Variants in ITSN1 observed in about 807,000 individuals in gnomAD.
The protein encoded by ITSN1 is intersectin 1.
In ITSN1, 58 loss-of-function variants were observed where a neutral mutation model predicts 239.8. The ratio of observed to expected loss-of-function variants is 0.24; its 90% CI spans 0.20 to 0.30. The LOEUF (loss-of-function observed/expected upper bound fraction) is 0.30, where lower values mean the gene tolerates loss of function less well. ITSN1 is among the 10% of genes least tolerant of loss of function. The probability of loss-of-function intolerance (pLI) is 1.00; values close to 1 mark genes in which losing one functional copy is unlikely to be tolerated. For missense variants in ITSN1, 1,558 were observed against 2,103.3 expected, an observed-to-expected ratio of 0.74 and a Z score of 5.07; for synonymous variants, 780 against 770.8, an observed-to-expected ratio of 1.01 and a Z score of -0.20.
At chr21:33,853,602 G>C (rs768240161) in intron 29 of ITSN1, among the ~76,000 whole-genome samples, 2 of 152,146 alleles carry the variant, frequency 1.3e-5, no homozygotes, top group Non-Finnish European at 2.9e-5. Flanking sequence ...CATTCTACGC[G>C]TGTCTGCTGG....
chr21:33,805,773 G>A (rs2072371697), intron 20 of ITSN1, among the ~76,000 whole-genome samples: 1 of 151,462 alleles, frequency 6.6e-6, no homozygotes, highest in South Asian at 2.1e-4. Flanking sequence ...CCGGGTTCAC[G>A]CCATTCTCCT....
At chr21:33,672,289 CAA>C (rs751516802) in intron 1 of ITSN1, among the ~76,000 whole-genome samples, 6 of 151,638 alleles carry the variant, frequency 4.0e-5, no homozygotes, top group South Asian at 2.1e-4. Context: ...AAAATCATAA[CAA>C]AATCAGTTTT....
At chr21:33,813,023 A>G (rs999153324) in intron 21 of ITSN1, among the ~76,000 whole-genome samples, 1 of 152,032 alleles carries the variant, frequency 6.6e-6, no homozygotes, top group East Asian at 1.9e-4. Context: ...TACAAATGAT[A>G]ATGATCATGT....
chr21:33,753,102 T>C (rs564693559), intron 7 of ITSN1, among the ~76,000 whole-genome samples: 1 of 152,324 alleles, frequency 6.6e-6, no homozygotes, highest in South Asian at 2.1e-4. Flanking sequence ...ATGTTACTCG[T>C]GCAACAGAAC....
chr21:33,677,932 C>T (rs1035404155), intron 1 of ITSN1, among the ~76,000 whole-genome samples: 2 of 152,202 alleles, frequency 1.3e-5, no homozygotes, highest in Non-Finnish European at 2.9e-5. Context: ...TGTCTTGGTT[C>T]CACTTTGTCT....
chr21:33,734,254 T>G (rs1030765242), intron 4 of ITSN1, among the ~76,000 whole-genome samples: 4 of 152,328 alleles, frequency 2.6e-5, no homozygotes, highest in South Asian at 4.1e-4. Flanking sequence ...GACAAACTTT[T>G]GCTTACTTGA....
At chr21:33,715,932 T>C (rs2065110903) in intron 1 of ITSN1, among the ~76,000 whole-genome samples, 1 of 151,860 alleles carries the variant, frequency 6.6e-6, no homozygotes. Flanking sequence ...ATAAATAAAA[T>C]AATAAAATAC....
Position 33,718,851 on chromosome 21 carries a change from T to A in ITSN1, c.23T>A (p.Phe8Tyr), listed in dbSNP as rs770736261. MAQFPTP[F>Y]GGSLDIWAIT... ...ACCATGGCTCAGTTTCCAACACCTT[T>A]TGGTGGTAAGTTTTCAGAAATTTCT... The change falls in exon 2 of 40, where the codon TTT (phenylalanine) becomes TAT (tyrosine). Residue 8 changes from phenylalanine (F) to tyrosine (Y), a missense_variant. Coordinates refer to ENST00000381318, the MANE Select transcript of ITSN1 (RefSeq NM_003024.3). 6.2e-7 allele frequency: 1 copy of A among 1,613,336 alleles called. No individual in the cohort carries two copies. Among genetic ancestry groups the A allele is most frequent in the South Asian group, 1.1e-5 (1 of 90,936 alleles).
At chr21:33,771,991 T>G in intron 11 of ITSN1, 70 bp from the exon 12 acceptor site, 8 of 1,541,434 alleles carry the variant, frequency 5.2e-6, no homozygotes, top group Non-Finnish European at 6.2e-6. Context: ...AATACATTGG[T>G]GAGTTTTCCT....
rs4817595 is a variant in ITSN1 at position 33,840,457 on chromosome 21, G to A, written c.3661+3825G>A. On this transcript the variant is annotated intron_variant, in intron 29 of 39. Transcript: ENST00000381318. ...CGGCTCACTGCAACCTCCACCTCCC[G>A]GATACAGGCGATTCTCCTGCCTCAG... 7.6e-3 allele frequency among the ~76,000 whole-genome samples: 1,149 copies of A among 152,008 alleles called. 44 individuals are homozygous for A. The highest frequency in any genetic ancestry group is 0.057 in the Admixed American group (866 of 15,272).
At position 33,714,616 on chromosome 21, in the gene ITSN1, A is replaced by G. The variant is rs919311086; in HGVS notation, c.-32-4181A>G. ...TGTGAAATATTTAAAGTAAGGCATA[A>G]AATTATTATATCTATATCTATATCT... On this transcript the variant is annotated intron_variant, in intron 1 of 39. Coordinates refer to ENST00000381318, the MANE Select transcript of ITSN1 (RefSeq NM_003024.3). Among the ~76,000 whole-genome samples, 60 of 48,028 alleles carry G rather than the reference A, an allele frequency of 1.2e-3. 1 individual carries two copies. The highest frequency in any genetic ancestry group is 7.3e-3 in the Admixed American group (26 of 3,544). 31.5% of individuals were successfully genotyped at this position (48,028 alleles called of 152,430 possible). A position where few individuals can be genotyped will look rare whatever the true frequency, so the allele number is the denominator to read the frequency against.
chr21:33,779,957 C>G (rs555977895), intron 14 of ITSN1, among the ~76,000 whole-genome samples: 2 of 152,010 alleles, frequency 1.3e-5, no homozygotes, highest in South Asian at 4.1e-4. Context: ...TCAGCCTCCC[C>G]GGTAGCAGGG....
At chr21:33,808,300 T>C (rs903883219) in intron 20 of ITSN1, among the ~76,000 whole-genome samples, 1 of 151,146 alleles carries the variant, frequency 6.6e-6, no homozygotes, top group African/African-American at 2.4e-5. Context: ...AAAAAAAATA[T>C]CTGGCCTGGC....
rs760594941 is a variant in ITSN1 at position 33,836,630 on chromosome 21, A to C, written c.3659A>C (p.Gln1220Pro). 1 of 1,613,134 alleles carries C rather than the reference A, an allele frequency of 6.2e-7. No individual in the cohort carries two copies. Among genetic ancestry groups the C allele is most frequent in the South Asian group, 1.1e-5 (1 of 90,936 alleles). The change falls in exon 29 of 40, where the codon CAA (glutamine) becomes CCA (proline). Residue 1220 changes from glutamine (Q) to proline (P), a missense_variant and splice_region_variant. By Grantham distance (76) the Gln-to-Pro change is moderately conservative. Around this residue, in one of 2 missense-constraint regions of ITSN1, gnomAD observed 576 missense variants for 893.3 expected, o/e 0.64. Coordinates refer to ENST00000381318, the MANE Select transcript of ITSN1 (RefSeq NM_003024.3). ...ACCACAGACATGGACCCAAGCCAGC[A>C]ATGTAAGTGCCCTGGTGGCTCTGTC... ...KLTTDMDPSQ[Q>P]WCSDLHLLDM...
chr21:33,760,119 A>G (rs1300558088), intron 8 of ITSN1, among the ~76,000 whole-genome samples: 1 of 151,118 alleles, frequency 6.6e-6, no homozygotes, highest in East Asian at 1.9e-4. Context: ...AAAAAAAAAA[A>G]GAAAAGAAAA....
At chr21:33,665,960 G>T (rs1185503419) in intron 1 of ITSN1, among the ~76,000 whole-genome samples, 3 of 149,058 alleles carry the variant, frequency 2.0e-5, no homozygotes, top group Admixed American at 6.7e-5. Context: ...AGGGAGTCTC[G>T]CTCTGTTGCC....
At chr21:33,770,764 A>ATTTTT (rs199737103) in intron 11 of ITSN1, among the ~76,000 whole-genome samples, 6 of 133,614 alleles carry the variant, frequency 4.5e-5, no homozygotes, top group African/African-American at 1.7e-4. Context: ...GGGACTTTGA[A>ATTTTT]TTTTTTTTTT....
At chr21:33,663,481 A>T (rs917916253) in intron 1 of ITSN1, among the ~76,000 whole-genome samples, 1 of 152,282 alleles carries the variant, frequency 6.6e-6, no homozygotes, top group Admixed American at 6.5e-5. Flanking sequence ...TTGAGTCAGA[A>T]TATCCTGAAT....
intron 33 of ITSN1, among the ~76,000 whole-genome samples, chr21:33,871,469 T>A (rs1258840312): frequency 6.7e-6 from 1 of 150,182 alleles, no homozygotes; most frequent in African/African-American, 2.5e-5. Context: ...AAAGGCCGGA[T>A]GTGGTGGCTC....
Sources: gnomAD v4.1 joint callset for allele counts (sites outside exome capture counted in the v4.1 genomes callset) on GRCh38, gnomAD v4.1.1 for gene constraint, gnomAD v4.1.1 regional missense constraint, MANE v1.5 for transcripts, NCBI Gene and HGNC (gene_info 2026-07-23, HGNC 2026-07-21) for gene names.